The following ANXA3 variants were observed in gnomAD, a reference collection of about 807,000 sequenced individuals.
ANXA3 encodes 35-alpha calcimedin.
A neutral mutation model predicts 48.8 loss-of-function variants in ANXA3; 46 were observed. The ratio of observed to expected loss-of-function variants is 0.94; its 90% CI spans 0.74 to 1.21. The LOEUF (loss-of-function observed/expected upper bound fraction) is 1.21. Ranked by LOEUF, ANXA3 falls within the 50% of genes most tolerant of loss-of-function variation. The pLI is 0.00. For missense variants in ANXA3, 383 were observed against 378.6 expected (o/e 1.01, Z -0.10); for synonymous variants, 128 against 134.7 (o/e 0.95, Z 0.35).
Position 78,579,043 on chromosome 4 carries a change from G to A in ANXA3, c.120G>A (p.Met40Ile). The change falls in exon 4 of 13, where the codon ATG (methionine) becomes ATA (isoleucine). Residue 40 changes from methionine to isoleucine, a missense_variant. Physicochemically the swap from Met to Ile is conservative, Grantham distance 10. Coordinates refer to ENST00000264908, the MANE Select transcript of ANXA3 (RefSeq NM_005139.3). ...TTCATTTAGGAACTGATGAGAAAAT[G>A]CTCATCAGCATTCTGACTGAGAGGT... ...AIRGIGTDEK[M>I]LISILTERSN... The A allele has an allele frequency of 6.2e-7, 1 of 1,608,518 alleles. No homozygotes were observed. Among genetic ancestry groups the A allele is most frequent in the Non-Finnish European group, 8.5e-7 (1 of 1,175,176 alleles).
rs755395123 is a variant in ANXA3 at position 78,601,561 on chromosome 4, C to G, written c.782C>G (p.Ala261Gly). Residue 261 changes from alanine to glycine, a missense_variant, in exon 11 of 13, where the codon GCC (alanine) becomes GGC (glycine). Ala to Gly is a moderately conservative substitution (Grantham distance 60, BLOSUM62 0). Coordinates refer to ENST00000264908, the MANE Select transcript of ANXA3 (RefSeq NM_005139.3). ...PAFLAERLHR[A>G]LKGIGTDEFT... ...TTTTTAGCCGAAAGACTGCATCGAG[C>G]CTTGAAGGTTGGTCTGGAAAGTTCA... 6.2e-7 allele frequency: 1 copy of G among 1,613,766 alleles called. No homozygotes were observed. Among genetic ancestry groups the G allele is most frequent in the Admixed American group, 1.7e-5 (1 of 60,012 alleles).
chr4:78,582,554 C>T (rs1723093725), intron 5 of ANXA3: 1 of 388,520 alleles, frequency 2.6e-6, no homozygotes, highest in African/African-American at 2.0e-5. Context: ...GTAAATAGCA[C>T]TATGATTAAC....
At position 78,579,065 on chromosome 4, in the gene ANXA3, A is replaced by C. The variant is rs754473655; in HGVS notation, c.142A>C (p.Arg48=). The change falls in exon 4 of 13, where the codon AGG becomes CGG. Residue 48 remains arginine (R), a synonymous_variant. Coordinates refer to ENST00000264908, the MANE Select transcript of ANXA3 (RefSeq NM_005139.3). ...EKMLISILTE[R]SNAQRQLIVK... is the part of the protein sequence containing the mutation. Reference sequence around the variant, plus strand: ...AATGCTCATCAGCATTCTGACTGAGAGGTCAAATGCACAGCGGCAGCTGAT... The same window carrying C: ...AATGCTCATCAGCATTCTGACTGAGCGGTCAAATGCACAGCGGCAGCTGAT... The C allele has an allele frequency of 6.2e-7, 1 of 1,612,834 alleles. No homozygotes were observed. The highest frequency in any genetic ancestry group is 1.1e-5 in the South Asian group (1 of 90,956).
chr4:78,586,955 C>A (rs1028519377), intron 6 of ANXA3, among the ~76,000 whole-genome samples: 2 of 152,214 alleles, frequency 1.3e-5, no homozygotes, highest in African/African-American at 4.8e-5. Flanking sequence ...GTGCTTTTAA[C>A]CAGCTGGCTA....
chr4:78,569,861 C>G (rs1236610079), intron 2 of ANXA3, among the ~76,000 whole-genome samples: 1 of 152,176 alleles, frequency 6.6e-6, no homozygotes, highest in Admixed American at 6.5e-5. Context: ...ATTAGCAGAG[C>G]TCTTTTAAGC....
chr4:78,581,224 C>G (rs572173891), intron 4 of ANXA3, among the ~76,000 whole-genome samples: 4 of 152,316 alleles, frequency 2.6e-5, no homozygotes, highest in Middle Eastern at 3.4e-3. Context: ...TCAGCAGGCT[C>G]AGAGGCTACC....
intron 2 of ANXA3, among the ~76,000 whole-genome samples, chr4:78,571,899 C>T (rs2109931678): frequency 6.6e-6 from 1 of 152,256 alleles, no homozygotes; most frequent in Non-Finnish European, 1.5e-5. Context: ...TCTATGATGT[C>T]AGTAGAGCTT....
In ANXA3 at chr4:78,597,310, T is replaced by G. The variant is rs1723442201; in HGVS notation, c.635-9T>G. ...TTGCTTTAAATAATTTTGTGGTGCT[T>G]CTTTTTAGCATTTGATGAATACAGA... On this transcript the variant is annotated splice_polypyrimidine_tract_variant and intron_variant, in intron 9 of 12. Coordinates refer to ENST00000264908, the MANE Select transcript of ANXA3 (RefSeq NM_005139.3). 2.1e-5 allele frequency: 33 copies of G among 1,579,632 alleles called. No homozygotes were observed. The highest frequency in any genetic ancestry group is 2.7e-5 in the Non-Finnish European group (31 of 1,152,644).
intron 1 of ANXA3, 138 bp from the exon 2 acceptor site, chr4:78,554,298 A>C: frequency 1.6e-6 from 1 of 638,820 alleles, no homozygotes; most frequent in South Asian, 1.9e-5. Flanking sequence ...ACCCAATGTC[A>C]GATATATGCT....
Position 78,591,596 on chromosome 4 carries a change from C to T in ANXA3, c.456C>T (p.Phe152=). 1.2e-6 allele frequency: 2 copies of T among 1,613,564 alleles called. No homozygotes were observed. The highest frequency in any genetic ancestry group is 1.7e-6 in the Non-Finnish European group (2 of 1,179,626). ...DDISSETSGD[F]RKALLTLADG... is the part of the protein sequence containing the mutation. ...TTAGTTCCGAAACATCTGGTGACTT[C>T]CGGAAAGCTCTGTTGACTTTGGCAG... is the stretch of plus-strand genomic sequence containing the variant. The change falls in exon 7 of 13, where the codon TTC becomes TTT. Residue 152 remains phenylalanine (F), a synonymous_variant. Coordinates refer to ENST00000264908, the MANE Select transcript of ANXA3 (RefSeq NM_005139.3).
At chr4:78,553,132 G>C (rs1218809123) in intron 1 of ANXA3, among the ~76,000 whole-genome samples, 1 of 152,192 alleles carries the variant, frequency 6.6e-6, no homozygotes, top group African/African-American at 2.4e-5. Flanking sequence ...CCAGGCAGCA[G>C]ATTAAGGCAG....
At chr4:78,555,737 G>A (rs1052203665) in intron 2 of ANXA3, among the ~76,000 whole-genome samples, 3 of 151,306 alleles carry the variant, frequency 2.0e-5, no homozygotes, top group African/African-American at 7.3e-5. Flanking sequence ...CATGGTCCTA[G>A]ATACTTGGGA....
intron 6 of ANXA3, among the ~76,000 whole-genome samples, chr4:78,586,905 C>T (rs1447691607): frequency 6.6e-6 from 1 of 152,208 alleles, no homozygotes; most frequent in Non-Finnish European, 1.5e-5. Context: ...ACCTTCACCT[C>T]AGACACCAGC....
chr4:78,566,422 T>A (rs1375778626), intron 2 of ANXA3, among the ~76,000 whole-genome samples: 1 of 136,266 alleles, frequency 7.3e-6, no homozygotes, highest in Non-Finnish European at 1.6e-5. Context: ...GAGGATTGAA[T>A]TAAGAAAATG....
chr4:78,575,857 C>T (rs956728010), intron 3 of ANXA3, among the ~76,000 whole-genome samples: 8 of 151,200 alleles, frequency 5.3e-5, no homozygotes, highest in African/African-American at 1.7e-4. Flanking sequence ...TTTTATTTTT[C>T]GTATTATGAT....
At chr4:78,563,047 A>G (rs2109926902) in intron 2 of ANXA3, among the ~76,000 whole-genome samples, 1 of 152,348 alleles carries the variant, frequency 6.6e-6, no homozygotes. Flanking sequence ...AGAGAGTCCC[A>G]AGAAGTCTTC....
chr4:78,590,828 AG>A (rs1320190776), intron 6 of ANXA3, among the ~76,000 whole-genome samples: 1 of 147,218 alleles, frequency 6.8e-6, no homozygotes, highest in Admixed American at 6.6e-5. Flanking sequence ...GGCTTACAAA[AG>A]GTAGAAGTTT....
At chr4:78,551,956 C>G (rs759343064) in intron 1 of ANXA3, 97 bp downstream of exon 1, 15 of 152,412 alleles carry the variant, frequency 9.8e-5, no homozygotes, top group Non-Finnish European at 1.5e-4. Flanking sequence ...CCAGTTCCCC[C>G]GCGAGTGCAG....
chr4:78,564,994 T>C (rs1256157871), intron 2 of ANXA3, among the ~76,000 whole-genome samples: 1 of 120,128 alleles, frequency 8.3e-6, no homozygotes, highest in Non-Finnish European at 1.5e-5. Flanking sequence ...GACTTAGATT[T>C]TTTTTTTTTT....
Sources: gnomAD v4.1 joint callset for allele counts (sites outside exome capture counted in the v4.1 genomes callset) on GRCh38, gnomAD v4.1.1 for gene constraint, MANE v1.5 for transcripts, NCBI Gene and HGNC (gene_info 2026-07-23, HGNC 2026-07-21) for gene names.